UBE2V2: variants seen among roughly 807,000 people sequenced by gnomAD.
UBE2V2 encodes the protein ubiquitin-conjugating enzyme E2 variant 2.
In UBE2V2, 9 loss-of-function variants were observed where a neutral mutation model predicts 17.2. The ratio of observed to expected loss-of-function variants is 0.52; its 90% CI spans 0.32 to 0.91. The LOEUF (loss-of-function observed/expected upper bound fraction) is 0.91, where lower values mean the gene tolerates loss of function less well. Among genes scored for constraint, UBE2V2 ranks in the 40% least tolerant of loss-of-function variants. UBE2V2 has a pLI of 0.04. For missense variants in UBE2V2, 133 were observed against 182.6 expected (o/e 0.73, Z 1.56); for synonymous variants, 61 against 57.5 (o/e 1.06, Z -0.28).
At chr8:47,998,692 AAG>A in the UBE2V2 span, among the ~76,000 whole-genome samples, 6 of 150,052 alleles carry the variant, frequency 4.0e-5, no homozygotes, top group Non-Finnish European at 8.9e-5. Context: ...GAGAGAGAGA[AAG>A]AGAGAGTGAG....
At chr8:48,049,796 G>T (rs2091523111) in intron 2 of UBE2V2, 57 bp from the exon 3 acceptor site, 18 of 1,421,350 alleles carry the variant, frequency 1.3e-5, no homozygotes, top group South Asian at 2.6e-5. Flanking sequence ...TTAGCACTTA[G>T]ACATTAATAT....
intron 1 of UBE2V2, among the ~76,000 whole-genome samples, chr8:48,023,883 CAA>C (rs2091322200): frequency 6.6e-6 from 1 of 151,396 alleles, no homozygotes; most frequent in African/African-American, 2.4e-5. Flanking sequence ...CTCAAAAAAA[CAA>C]ACAAAAAAAA....
Position 48,012,242 on chromosome 8 carries a change from G to A in UBE2V2, c.16+3772G>A, listed in dbSNP as rs1019317776. On this transcript the variant is annotated intron_variant, in intron 1 of 3. Transcript: ENST00000523111. ...TCCTTCTTATGGATGAAAGGGGAAC[G>A]TAGCCCTCACCAGCTAGGTTCTCCT... Among the ~76,000 whole-genome samples, 6 of 152,042 alleles carry A rather than the reference G, an allele frequency of 3.9e-5. No individual in the cohort carries two copies. The South Asian group carries it at 1.0e-3, about 26-fold the overall frequency.
chr8:48,008,350 C>G, upstream of UBE2V2: 2 of 1,394,552 alleles, frequency 1.4e-6, no homozygotes, highest in Non-Finnish European at 1.9e-6. Flanking sequence ...CCGCGCCCGC[C>G]GGGGGCGGAG....
rs1237424410 is a variant in UBE2V2, at chr8:48,053,334, T to TATG, written c.291+3356_291+3357insATG. 2.6e-5 allele frequency among the ~76,000 whole-genome samples: 4 copies of TATG among 152,204 alleles called. No individual in the cohort carries two copies. In the East Asian group the frequency reaches 7.7e-4, roughly 29 times the overall value. ...GAAATGTTTCTAACATAATAGAAGT[T>TATG]TTAGAGAATGATAGAACCAGCATCT... is the stretch of plus-strand genomic sequence containing the variant. On this transcript the variant is annotated intron_variant, in intron 3 of 3. Coordinates refer to ENST00000523111, the MANE Select transcript of UBE2V2 (RefSeq NM_003350.3).
In UBE2V2 at chr8:48,012,484, C is replaced by T. The variant is rs187546897; in HGVS notation, c.16+4014C>T. Among the ~76,000 whole-genome samples the T allele has an allele frequency of 3.9e-5, 6 of 152,062 alleles. No homozygotes were observed. The East Asian group carries it at 7.8e-4, about 20-fold the overall frequency. ...CTGTAATCCCAGCACTTTGGGAGGC[C>T]GAGGTGGGCGGATTACCTGAGGTCG... On this transcript the variant is annotated intron_variant, in intron 1 of 3. Transcript: ENST00000523111.
intron 2 of UBE2V2, among the ~76,000 whole-genome samples, chr8:48,045,282 A>G (rs1179328725): frequency 6.6e-6 from 1 of 152,248 alleles, no homozygotes; most frequent in Non-Finnish European, 1.5e-5. Flanking sequence ...ACATGGGAAC[A>G]TTCAGAAAGG....
intron 1 of UBE2V2, among the ~76,000 whole-genome samples, chr8:48,011,843 A>G (rs557367972): frequency 1.3e-5 from 2 of 152,280 alleles, no homozygotes; most frequent in East Asian, 1.9e-4. Flanking sequence ...TTGTAGAGAC[A>G]GGGTCTCCGT....
upstream of UBE2V2, chr8:48,008,381 G>C (rs1046511154): frequency 1.9e-6 from 3 of 1,539,074 alleles, no homozygotes; most frequent in African/African-American, 4.3e-5. Context: ...CGCGTGCAGG[G>C]CGGCGCGCTC....
chr8:48,008,345 C>A, upstream of UBE2V2: 2 of 1,375,512 alleles, frequency 1.5e-6, no homozygotes, highest in Non-Finnish European at 1.9e-6. Flanking sequence ...TCGCCCCGCG[C>A]CCGCCGGGGG....
the UBE2V2 span, among the ~76,000 whole-genome samples, chr8:48,000,365 T>C: frequency 6.6e-6 from 1 of 152,216 alleles, no homozygotes; most frequent in Admixed American, 6.6e-5. Flanking sequence ...AAATCCACTG[T>C]GCAGCTCAGT....
At chr8:48,008,074 A>G (rs1004331025), upstream of UBE2V2, among the ~76,000 whole-genome samples, 1 of 151,940 alleles carries the variant, frequency 6.6e-6, no homozygotes, top group Non-Finnish European at 1.5e-5. Flanking sequence ...GGCGCGCGCC[A>G]CCACGTCCGG....
chr8:48,027,098 C>T (rs2091350991), intron 1 of UBE2V2, among the ~76,000 whole-genome samples: 1 of 152,170 alleles, frequency 6.6e-6, no homozygotes, highest in African/African-American at 2.4e-5. Context: ...GATCCTCCTG[C>T]CTCAGCCTCC....
chr8:48,025,626 G>A (rs1240479670), intron 1 of UBE2V2, among the ~76,000 whole-genome samples: 2 of 149,252 alleles, frequency 1.3e-5, no homozygotes, highest in African/African-American at 2.5e-5. Flanking sequence ...TTGAGATGGA[G>A]TCTTGCTCTG....
At chr8:48,015,638 C>T (rs752945478) in intron 1 of UBE2V2, among the ~76,000 whole-genome samples, 7 of 152,004 alleles carry the variant, frequency 4.6e-5, no homozygotes, top group Non-Finnish European at 1.0e-4. Context: ...CTTCCCAATC[C>T]CCACCCCCGT....
chr8:48,016,934 C>T (rs1187395937), intron 1 of UBE2V2, among the ~76,000 whole-genome samples: 3 of 151,890 alleles, frequency 2.0e-5, no homozygotes, highest in East Asian at 2.0e-4. Flanking sequence ...TACAGGCACC[C>T]GCCACCATGC....
intron 3 of UBE2V2, among the ~76,000 whole-genome samples, chr8:48,057,622 AT>A (rs913673282): frequency 1.2e-4 from 18 of 149,538 alleles, no homozygotes; most frequent in Non-Finnish European, 1.8e-4. Context: ...TTTCTATTTA[AT>A]TTTTTTTTTC....
the UBE2V2 span, among the ~76,000 whole-genome samples, chr8:48,001,049 T>C: frequency 6.6e-6 from 1 of 152,080 alleles, no homozygotes; most frequent in Admixed American, 6.5e-5. Context: ...GATTGAGCCT[T>C]TCAAATACAA....
the UBE2V2 span, among the ~76,000 whole-genome samples, chr8:48,002,191 T>C: frequency 6.6e-6 from 1 of 152,270 alleles, no homozygotes; most frequent in Middle Eastern, 3.4e-3. Flanking sequence ...CATTGTTGCA[T>C]TGGGGATTGT....
Sources: gnomAD v4.1 joint callset for allele counts (sites outside exome capture counted in the v4.1 genomes callset) on GRCh38, gnomAD v4.1.1 for gene constraint, MANE v1.5 for transcripts, NCBI Gene and HGNC (gene_info 2026-07-23, HGNC 2026-07-21) for gene names.